The following BLK variants were observed in gnomAD, a reference collection of about 807,000 sequenced individuals.
BLK encodes the protein BLK proto-oncogene, Src family tyrosine kinase, also known as tyrosine-protein kinase Blk.
In BLK, 64 loss-of-function variants were observed where a neutral mutation model predicts 61.8. That is an observed-to-expected ratio of 1.03 (90% CI 0.85 to 1.27). The LOEUF (loss-of-function observed/expected upper bound fraction) is 1.27, where lower values mean the gene tolerates loss of function less well. Among genes scored for constraint, BLK ranks in the 50% most tolerant of loss-of-function variants. The pLI is 0.00. For missense variants in BLK, 853 were observed against 660.5 expected, an observed-to-expected ratio of 1.29 and a Z score of -3.19; for synonymous variants, 351 against 272.0, an observed-to-expected ratio of 1.29 and a Z score of -2.86.
At chr8:11,505,231 C>G (rs551832227) in intron 1 of BLK, among the ~76,000 whole-genome samples, 6 of 152,366 alleles carry the variant, frequency 3.9e-5, no homozygotes, top group African/African-American at 1.4e-4. Flanking sequence ...TAAACCTCAT[C>G]TATTTTGTAG....
At chr8:11,511,839 A>G (rs1426716664) in intron 1 of BLK, among the ~76,000 whole-genome samples, 2 of 152,350 alleles carry the variant, frequency 1.3e-5, no homozygotes, top group African/African-American at 4.8e-5. Context: ...ATCAATATTT[A>G]GGATAACACT....
At chr8:11,554,133 G>A in intron 6 of BLK, 1 of 156,476 alleles carries the variant, frequency 6.4e-6, no homozygotes, top group Non-Finnish European at 1.4e-5. Flanking sequence ...TTCTTACCTG[G>A]AAATTCTTAC....
chr8:11,540,663 A>G (rs764228227), intron 1 of BLK, among the ~76,000 whole-genome samples: 1 of 152,236 alleles, frequency 6.6e-6, no homozygotes, highest in Non-Finnish European at 1.5e-5. Flanking sequence ...AAAGATCTAT[A>G]AACCATATAA....
chr8:11,505,614 C>G (rs186706764), intron 1 of BLK, among the ~76,000 whole-genome samples: 1 of 152,194 alleles, frequency 6.6e-6, no homozygotes, highest in Non-Finnish European at 1.5e-5. Flanking sequence ...GAGCTCATTT[C>G]TCTGTCTTCA....
chr8:11,527,087 G>A (rs565830421), intron 1 of BLK, among the ~76,000 whole-genome samples: 108 of 152,042 alleles, frequency 7.1e-4, no homozygotes, highest in Middle Eastern at 3.4e-3. Flanking sequence ...TTTCCTGTAC[G>A]TGCATGCTCG....
chr8:11,527,545 A>G (rs1325060364), intron 1 of BLK, among the ~76,000 whole-genome samples: 1 of 151,566 alleles, frequency 6.6e-6, no homozygotes, highest in Non-Finnish European at 1.5e-5. Context: ...CTGAGTTGTC[A>G]CTGAAATTAG....
chr8:11,532,194 T>TTTAG (rs1248215253), intron 1 of BLK, among the ~76,000 whole-genome samples: 1 of 129,314 alleles, frequency 7.7e-6, no homozygotes, highest in African/African-American at 2.9e-5. Flanking sequence ...AATTTTAATA[T>TTTAG]TTATTTATTT....
intron 10 of BLK, chr8:11,561,031 C>T: frequency 1.6e-6 from 1 of 637,514 alleles, no homozygotes; most frequent in Non-Finnish European, 2.9e-6. Context: ...TCTCTGCAGA[C>T]CCTTGGACAC....
intron 1 of BLK, among the ~76,000 whole-genome samples, chr8:11,506,550 C>T (rs1257800826): frequency 6.6e-6 from 1 of 152,074 alleles, no homozygotes; most frequent in Non-Finnish European, 1.5e-5. Flanking sequence ...GCTTGGTGTG[C>T]AAAAACAGAA....
At chr8:11,504,569 C>G (rs777402045) in intron 1 of BLK, among the ~76,000 whole-genome samples, 1 of 152,154 alleles carries the variant, frequency 6.6e-6, no homozygotes, top group Non-Finnish European at 1.5e-5. Context: ...CAGGGACGTG[C>G]GTTTAAGATC....
chr8:11,529,941 G>T (rs1799820414), intron 1 of BLK, among the ~76,000 whole-genome samples: 1 of 152,186 alleles, frequency 6.6e-6, no homozygotes, highest in Admixed American at 6.5e-5. Context: ...CAAATATGGG[G>T]TCATCAGCAG....
chr8:11,510,065 T>C (rs1263364558), intron 1 of BLK, among the ~76,000 whole-genome samples: 1 of 152,228 alleles, frequency 6.6e-6, no homozygotes, highest in Non-Finnish European at 1.5e-5. Flanking sequence ...TTTGCTTCCA[T>C]ATTTTTGTAT....
intron 1 of BLK, among the ~76,000 whole-genome samples, chr8:11,495,806 A>C (rs1361500199): frequency 6.6e-6 from 1 of 152,186 alleles, no homozygotes; most frequent in Non-Finnish European, 1.5e-5. Flanking sequence ...GGTCTCGCTA[A>C]TATTGTGGTA....
chr8:11,546,153 G>A lies in BLK; in HGVS notation c.175+50G>A. ...GAGGCTCCACAGCCCTCTCCCCTAG[G>A]TGGCAGCTTTGTGGAGTTGGAAAAA... On this transcript the variant is annotated intron_variant, in intron 3 of 12. Coordinates refer to ENST00000259089, the MANE Select transcript of BLK (RefSeq NM_001715.3). The A allele has an allele frequency of 3.7e-6, 6 of 1,603,476 alleles. No individual in the cohort carries two copies. In the East Asian group the frequency reaches 1.3e-4, roughly 36 times the overall value.
chr8:11,514,266 G>A (rs777515693), intron 1 of BLK, among the ~76,000 whole-genome samples: 3 of 152,220 alleles, frequency 2.0e-5, no homozygotes, highest in Non-Finnish European at 4.4e-5. Flanking sequence ...ATAGAGCCTT[G>A]ATCTGTCCAC....
At chr8:11,550,704 A>T (rs900092612) in intron 6 of BLK, among the ~76,000 whole-genome samples, 2 of 152,250 alleles carry the variant, frequency 1.3e-5, no homozygotes, top group African/African-American at 4.8e-5. Flanking sequence ...GATGTAAGAG[A>T]AGAGGGTGGT....
intron 1 of BLK, among the ~76,000 whole-genome samples, chr8:11,519,750 T>G (rs1799367954): frequency 2.0e-5 from 3 of 152,218 alleles, no homozygotes; most frequent in Non-Finnish European, 1.5e-5. Context: ...TGGCGTAGTT[T>G]GTAAACTGTA....
At chr8:11,554,634 G>A in intron 6 of BLK, 109 bp from the exon 7 acceptor site, 1 of 1,355,652 alleles carries the variant, frequency 7.4e-7, no homozygotes, top group Non-Finnish European at 1.0e-6. Flanking sequence ...TGATAATGAA[G>A]AACAGAATTG....
chr8:11,522,035 GTCC>G (rs1799473009), intron 1 of BLK, among the ~76,000 whole-genome samples: 2 of 152,186 alleles, frequency 1.3e-5, no homozygotes, highest in African/African-American at 2.4e-5. Flanking sequence ...TTAATGATGA[GTCC>G]TCCTAATCAT....
Sources: gnomAD v4.1 joint callset for allele counts (sites outside exome capture counted in the v4.1 genomes callset) on GRCh38, gnomAD v4.1.1 for gene constraint, MANE v1.5 for transcripts, NCBI Gene and HGNC (gene_info 2026-07-23, HGNC 2026-07-21) for gene names.